The following LHB variants were observed in gnomAD, a reference collection of about 807,000 sequenced individuals.
LHB encodes luteinizing hormone subunit beta, also known as lutropin subunit beta.
In LHB, 11 loss-of-function variants were observed where a neutral mutation model predicts 10.6. The observed-to-expected ratio is 1.04, with a 90% CI of 0.66 to 1.72. The LOEUF is 1.72. Ranked by LOEUF, LHB falls within the 40% of genes most tolerant of loss-of-function variation. The probability of loss-of-function intolerance (pLI) is 0.00; values close to 1 mark genes in which losing one functional copy is unlikely to be tolerated. For synonymous variants in LHB, 86 were observed against 83.1 expected, an observed-to-expected ratio of 1.03 and a Z score of -0.19; for missense variants, 184 against 197.3, an observed-to-expected ratio of 0.93 and a Z score of 0.41.
At chr19:49,018,231 A>AGGAGCGCGGACAGGGC (rs2039590830), upstream of LHB, 1 of 702,204 alleles carries the variant, frequency 1.4e-6, no homozygotes, top group South Asian at 7.3e-5. Flanking sequence ...GGCGGCCGGG[A>AGGAGCGCGGACAGGGC]GGAGCGCGGA....
upstream of LHB, chr19:49,018,766 G>A (rs1188310046): frequency 4.0e-6 from 4 of 988,620 alleles, no homozygotes; most frequent in Non-Finnish European, 4.5e-6. Flanking sequence ...CAGAAGTCGA[G>A]GCTGAGACCA....
Position 49,016,295 on chromosome 19 carries a change from C to A in LHB, c.199G>T (p.Ala67Ser). 6.2e-7 allele frequency: 1 copy of A among 1,611,310 alleles called. No individual in the cohort carries two copies. The highest frequency in any genetic ancestry group is 8.5e-7 in the Non-Finnish European group (1 of 1,179,782). Residue 67 changes from alanine (A) to serine (S), a missense_variant, in exon 3 of 3, where the codon GCG (alanine) becomes TCG (serine). Coordinates refer to ENST00000649238, the MANE Select transcript of LHB (RefSeq NM_000894.3). Reference sequence around the variant, plus strand: ...ACCTGAGGCAGGGGCGGCAGGACCGCCTGCAGCACGCGCATCTGGAGGCCG... The same window carrying A: ...ACCTGAGGCAGGGGCGGCAGGACCGACTGCAGCACGCGCATCTGGAGGCCG... ...YCPTMMRVLQ[A>S]VLPPLPQVVC...
rs1288211067 is a variant in LHB at position 49,016,393 on chromosome 19, T to C, written c.184-83A>G. 1,117 of 1,599,690 alleles carry C rather than the reference T, an allele frequency of 7.0e-4. 10 individuals are homozygous for C. The African/African-American group carries it at 0.013, about 19-fold the overall frequency. ...GCTCCCAAGCTGACCCCACAGGTCC[T>C]GGACTCAGGAGCCCAGGAAGCCCTC... is the stretch of plus-strand genomic sequence containing the variant. On this transcript the variant is annotated intron_variant, in intron 2 of 2. Transcript: ENST00000649238.
rs769540665 is a variant in LHB at position 49,016,285 on chromosome 19, G to A, written c.209C>T (p.Pro70Leu). 8.7e-6 allele frequency: 14 copies of A among 1,611,702 alleles called. No individual in the cohort carries two copies. Among genetic ancestry groups the A allele is most frequent in the African/African-American group, 1.3e-5 (1 of 74,986 alleles). ...TMMRVLQAVL[P>L]PLPQVVCTYR... is the part of the protein sequence containing the mutation. Reference sequence around the variant, plus strand: ...GGTGCACACCACCTGAGGCAGGGGCGGCAGGACCGCCTGCAGCACGCGCAT... The same window carrying A: ...GGTGCACACCACCTGAGGCAGGGGCAGCAGGACCGCCTGCAGCACGCGCAT... The change falls in exon 3 of 3, where the codon CCG becomes CTG. Residue 70 changes from proline to leucine, a missense_variant. Physicochemically the swap from Pro to Leu is moderately conservative, Grantham distance 98. Coordinates refer to ENST00000649238, the MANE Select transcript of LHB (RefSeq NM_000894.3).
At chr19:49,018,230 G>C, upstream of LHB, 1 of 700,274 alleles carries the variant, frequency 1.4e-6, no homozygotes, top group Non-Finnish European at 2.0e-6. Flanking sequence ...GGGCGGCCGG[G>C]AGGAGCGCGG....
intron 1 of LHB, 173 bp downstream of exon 1, chr19:49,016,894 A>G: frequency 1.3e-6 from 2 of 1,587,956 alleles, no homozygotes; most frequent in Non-Finnish European, 1.7e-6. Context: ...AGGACCTGAG[A>G]TGCCCCAACA....
chr19:49,017,175 C>T (rs2039570157), upstream of LHB: 1 of 1,587,642 alleles, frequency 6.3e-7, no homozygotes, highest in Non-Finnish European at 8.6e-7. Context: ...GCTGGGGTAA[C>T]CTGGACACTA....
upstream of LHB, chr19:49,017,129 T>A (rs1456587623): frequency 1.2e-6 from 2 of 1,613,608 alleles, no homozygotes; most frequent in African/African-American, 2.7e-5. Flanking sequence ...ACCTCGGGGT[T>A]GTGGGGGCGG....
chr19:49,018,285 C>A, upstream of LHB: 1 of 1,144,704 alleles, frequency 8.7e-7, no homozygotes, highest in South Asian at 4.4e-5. Context: ...TGGGGCGTCT[C>A]TTCGAAGCTC....
chr19:49,016,983 C>T, intron 1 of LHB, 84 bp downstream of exon 1: 2 of 1,611,980 alleles, frequency 1.2e-6, no homozygotes, highest in Non-Finnish European at 1.7e-6. Flanking sequence ...GGCCTCCTTC[C>T]ACAGCTCACA....
At chr19:49,016,439 C>G (rs965885685) in intron 2 of LHB, 108 bp downstream of exon 2, 10 of 1,601,368 alleles carry the variant, frequency 6.2e-6, no homozygotes, top group African/African-American at 1.3e-5. Flanking sequence ...TTCCCACACC[C>G]CATTCCCCAA....
chr19:49,017,091 A>C lies in LHB; in HGVS notation c.-10T>G. ...CCTGGAGCATCTCCATCCTTGGTGC[A>C]TCCCCTGCCTCGTGTATCTGGCTAT... On this transcript the variant is annotated 5_prime_UTR_variant, in exon 1 of 3. Coordinates refer to ENST00000649238, the MANE Select transcript of LHB (RefSeq NM_000894.3). 6.2e-7 allele frequency: 1 copy of C among 1,613,926 alleles called. No homozygotes were observed. Among genetic ancestry groups the C allele is most frequent in the South Asian group, 1.1e-5 (1 of 91,076 alleles).
chr19:49,018,004 G>A (rs552565399), upstream of LHB: 9 of 398,732 alleles, frequency 2.3e-5, no homozygotes, highest in African/African-American at 1.6e-4. Context: ...CATAGCTGGA[G>A]TTCTCGGTAC....
rs774432143 is a variant in LHB, at chr19:49,016,035, C to T, written c.*33G>A. 3.7e-6 allele frequency: 6 copies of T among 1,613,880 alleles called. No homozygotes were observed. Among genetic ancestry groups the T allele is most frequent in the Admixed American group, 1.7e-5 (1 of 60,018 alleles). ...ATCGGGGTGTCAGGGCTCCAGGAGT[C>T]GGGATGGACTTGGAAGGCTGCGGGG... On this transcript the variant is annotated 3_prime_UTR_variant, in exon 3 of 3. Transcript: ENST00000649238.
chr19:49,018,747 T>C, upstream of LHB: 1 of 826,244 alleles, frequency 1.2e-6, no homozygotes, highest in Non-Finnish European at 1.9e-6. Flanking sequence ...ACTTTGGTTC[T>C]TGCTGCTACA....
upstream of LHB, chr19:49,018,108 G>C: frequency 2.5e-6 from 1 of 399,376 alleles, no homozygotes; most frequent in East Asian, 3.6e-5. Flanking sequence ...TCGAGCCGCC[G>C]GAGCGGGTGC....
chr19:49,018,298 G>A (rs967645823), upstream of LHB: 4 of 1,189,168 alleles, frequency 3.4e-6, no homozygotes, highest in African/African-American at 4.7e-5. Flanking sequence ...CGAAGCTCCA[G>A]TAGGTCAGGG....
At position 49,016,288 on chromosome 19, in the gene LHB, A is replaced by G. The variant is rs746121371; in HGVS notation, c.206T>C (p.Leu69Pro). Residue 69 changes from leucine (L) to proline (P), a missense_variant, in exon 3 of 3, where the codon CTG (leucine) becomes CCG (proline). By Grantham distance (98) the Leu-to-Pro change is moderately conservative. Transcript: ENST00000649238. ...PTMMRVLQAV[L>P]PPLPQVVCTY... ...GCACACCACCTGAGGCAGGGGCGGC[A>G]GGACCGCCTGCAGCACGCGCATCTG... The G allele has an allele frequency of 2.5e-6, 4 of 1,611,592 alleles. No homozygotes were observed. The highest frequency in any genetic ancestry group is 3.4e-6 in the Non-Finnish European group (4 of 1,179,778).
chr19:49,018,780 G>T (rs1244928342), upstream of LHB: 2 of 1,106,824 alleles, frequency 1.8e-6, no homozygotes, highest in Non-Finnish European at 2.6e-6. Context: ...GAGACCACCG[G>T]CTCAGGGAAT....
Sources: allele counts gnomAD v4.1 joint callset, GRCh38; gene constraint gnomAD v4.1.1; transcripts MANE v1.5; gene names NCBI Gene and HGNC (gene_info 2026-07-23, HGNC 2026-07-21).